Variants in PCMT1 observed in about 807,000 individuals in gnomAD.
The protein encoded by PCMT1 is protein-L-isoaspartate(D-aspartate) O-methyltransferase.
PCMT1 carries 9 observed loss-of-function variants against 29.2 expected under a neutral mutation model. The observed-to-expected ratio is 0.31, with a 90% CI of 0.19 to 0.54. The LOEUF (loss-of-function observed/expected upper bound fraction) is 0.54. Among genes scored for constraint, PCMT1 ranks in the 20% least tolerant of loss-of-function variants. The probability of loss-of-function intolerance (pLI) is 0.95; values close to 1 mark genes in which losing one functional copy is unlikely to be tolerated. For missense variants in PCMT1, 184 were observed against 282.2 expected (o/e 0.65, Z 2.49); for synonymous variants, 98 against 97.5 (o/e 1.00, Z -0.03).
At chr6:149,794,205 G>A (rs1002265833) in intron 5 of PCMT1, among the ~76,000 whole-genome samples, 4 of 152,122 alleles carry the variant, frequency 2.6e-5, no homozygotes, top group Non-Finnish European at 5.9e-5. Context: ...AGCTTTTCAT[G>A]TTTAGGTTTT....
chr6:149,759,554 G>A (rs1583005450), intron 1 of PCMT1, among the ~76,000 whole-genome samples: 1 of 151,980 alleles, frequency 6.6e-6, no homozygotes, highest in East Asian at 1.9e-4. Context: ...GAGTGCAATG[G>A]CGGGATCTCA....
At chr6:149,809,258 CAAAAAAAAAAAAAA>C (rs1209712068) in intron 7 of PCMT1, among the ~76,000 whole-genome samples, 1 of 47,094 alleles carries the variant, frequency 2.1e-5, no homozygotes, top group Non-Finnish European at 3.8e-5. Context: ...GACTCTGTCT[CAAAAAAAAAAAAAA>C]AAAAAAAAAG....
intron 3 of PCMT1, among the ~76,000 whole-genome samples, chr6:149,777,087 TG>T (rs1328625755): frequency 6.6e-6 from 1 of 152,190 alleles, no homozygotes; most frequent in African/African-American, 2.4e-5. Flanking sequence ...TTGACTTACA[TG>T]GGGGTATGTC....
chr6:149,774,400 C>T (rs374029552), intron 3 of PCMT1, among the ~76,000 whole-genome samples: 9 of 147,760 alleles, frequency 6.1e-5, no homozygotes, highest in African/African-American at 2.2e-4. Flanking sequence ...CCACCACACT[C>T]AGCTTATGTT....
chr6:149,799,586 GATGTCTTAAA>G (rs1305328698), intron 6 of PCMT1, among the ~76,000 whole-genome samples: 6 of 152,176 alleles, frequency 3.9e-5, no homozygotes, highest in Admixed American at 1.3e-4. Flanking sequence ...AAATGATTAA[GATGTCTTAAA>G]ATGTCTTAAA....
chr6:149,768,089 C>T (rs951110889), intron 1 of PCMT1, among the ~76,000 whole-genome samples: 7 of 149,996 alleles, frequency 4.7e-5, no homozygotes, highest in African/African-American at 1.2e-4. Context: ...CCACCATGCC[C>T]GACCTGTTTG....
At chr6:149,751,942 G>A (rs759977910) in intron 1 of PCMT1, among the ~76,000 whole-genome samples, 2 of 150,780 alleles carry the variant, frequency 1.3e-5, no homozygotes, top group African/African-American at 2.4e-5. Flanking sequence ...GTGTGAGCTC[G>A]GCTCACTGCA....
intron 1 of PCMT1, 142 bp from the exon 2 acceptor site, chr6:149,771,020 G>C (rs1466924665): frequency 2.0e-6 from 1 of 487,882 alleles, no homozygotes; most frequent in Middle Eastern, 5.1e-4. Context: ...AAGAAACCAG[G>C]TTGCCATTAC....
chr6:149,789,802 T>C, intron 3 of PCMT1, 152 bp from the exon 4 acceptor site: 1 of 455,012 alleles, frequency 2.2e-6, no homozygotes, highest in Non-Finnish European at 3.9e-6. Flanking sequence ...TCAAACAGTT[T>C]ACTTAAGTAA....
chr6:149,774,910 T>C (rs1036979043), intron 3 of PCMT1, among the ~76,000 whole-genome samples: 6 of 152,034 alleles, frequency 3.9e-5, no homozygotes, highest in African/African-American at 1.5e-4. Context: ...GGTTTCACCA[T>C]GTTAGCCAGG....
At chr6:149,780,228 C>G (rs1260186835) in intron 3 of PCMT1, among the ~76,000 whole-genome samples, 1 of 151,768 alleles carries the variant, frequency 6.6e-6, no homozygotes. Flanking sequence ...GTGGTCCCAG[C>G]TATTCTGCAG....
intron 1 of PCMT1, among the ~76,000 whole-genome samples, chr6:149,750,614 G>A (rs746916752): frequency 6.6e-6 from 1 of 152,158 alleles, no homozygotes; most frequent in African/African-American, 2.4e-5. Flanking sequence ...TGAGAGACTT[G>A]TATTTCAGGA....
chr6:149,780,486 C>T (rs1186907416), intron 3 of PCMT1, among the ~76,000 whole-genome samples: 2 of 152,168 alleles, frequency 1.3e-5, no homozygotes, highest in African/African-American at 4.8e-5. Context: ...AAGAAACCTT[C>T]CTTATACCCA....
chr6:149,783,715 G>A (rs2115286456), intron 3 of PCMT1, among the ~76,000 whole-genome samples: 1 of 152,086 alleles, frequency 6.6e-6, no homozygotes, highest in East Asian at 1.9e-4. Context: ...TCCCCCCTGA[G>A]ACAGGGTCTT....
intron 5 of PCMT1, 76 bp downstream of exon 5, chr6:149,793,745 C>A: frequency 8.2e-7 from 1 of 1,222,088 alleles, no homozygotes; most frequent in Non-Finnish European, 1.1e-6. Context: ...CTAAATAATA[C>A]TCAGAGGTAA....
chr6:149,799,347 A>G (rs1013976417), intron 6 of PCMT1, among the ~76,000 whole-genome samples: 4 of 152,158 alleles, frequency 2.6e-5, no homozygotes, highest in African/African-American at 9.7e-5. Flanking sequence ...AAAATAAAAC[A>G]GATCTCCTGT....
rs1216042986 is a variant in PCMT1, at chr6:149,749,861, C to T, written c.-41C>T. 5 of 1,596,074 alleles carry T rather than the reference C, an allele frequency of 3.1e-6. No homozygotes were observed. The highest frequency in any genetic ancestry group is 1.8e-5 in the Admixed American group (1 of 56,764). ...GGAAAACTGCTGGGCACCGTCGTCG[C>T]GCTGAAGGTGGTTCTGTACCTGCTC... On this transcript the variant is annotated 5_prime_UTR_variant, in exon 1 of 8. Coordinates refer to ENST00000464889, the MANE Select transcript of PCMT1 (RefSeq NM_001360452.2).
At chr6:149,786,607 C>A (rs1465040231) in intron 3 of PCMT1, among the ~76,000 whole-genome samples, 1 of 139,530 alleles carries the variant, frequency 7.2e-6, no homozygotes, top group South Asian at 2.3e-4. Context: ...ATGGGGCGGC[C>A]GGGCAGAGAC....
intron 1 of PCMT1, among the ~76,000 whole-genome samples, chr6:149,750,464 G>T (rs1490233367): frequency 6.6e-6 from 1 of 152,136 alleles, no homozygotes; most frequent in Admixed American, 6.5e-5. Context: ...TTTTCCCCTG[G>T]AGGGAGATGC....
Sources: gnomAD v4.1 joint callset for allele counts (sites outside exome capture counted in the v4.1 genomes callset) on GRCh38, gnomAD v4.1.1 for gene constraint, MANE v1.5 for transcripts, NCBI Gene and HGNC (gene_info 2026-07-23, HGNC 2026-07-21) for gene names.